Variants in SCAPER observed in about 807,000 individuals in gnomAD.
SCAPER encodes S phase cyclin A-associated protein in the endoplasmic reticulum.
SCAPER carries 98 observed loss-of-function variants against 182.2 expected under a neutral mutation model. That is an observed-to-expected ratio of 0.54 (90% CI 0.46 to 0.64). The LOEUF is 0.64. Among genes scored for constraint, SCAPER ranks in the 30% least tolerant of loss-of-function variants. SCAPER has a pLI of 0.00. For missense variants in SCAPER, 1,432 were observed against 1,690.0 expected (o/e 0.85, Z 2.68); for synonymous variants, 605 against 564.6 (o/e 1.07, Z -1.01).
intron 29 of SCAPER, among the ~76,000 whole-genome samples, chr15:76,366,789 C>A (rs1181791308): frequency 6.6e-6 from 1 of 152,200 alleles, no homozygotes; most frequent in Non-Finnish European, 1.5e-5. Flanking sequence ...GCCTTCCAGA[C>A]AAGAATAGGT....
chr15:76,408,453 T>C (rs924459864), intron 26 of SCAPER, among the ~76,000 whole-genome samples: 3 of 152,146 alleles, frequency 2.0e-5, no homozygotes, highest in Admixed American at 6.5e-5. Flanking sequence ...TTATAAACCA[T>C]GCTGTGCCAA....
chr15:76,735,978 A>AT (rs1182012370), intron 15 of SCAPER, among the ~76,000 whole-genome samples: 1 of 152,178 alleles, frequency 6.6e-6, no homozygotes, highest in Admixed American at 6.5e-5. Context: ...TCAACCATAG[A>AT]TAAAAAATGT....
chr15:76,409,689 T>C (rs541731604), intron 26 of SCAPER, among the ~76,000 whole-genome samples: 210 of 152,288 alleles, frequency 1.4e-3, no homozygotes, highest in African/African-American at 4.7e-3. Context: ...TCCAACCAAA[T>C]TGTTGCTTAT....
intron 24 of SCAPER, among the ~76,000 whole-genome samples, chr15:76,471,743 A>G (rs2050190019): frequency 6.6e-6 from 1 of 152,186 alleles, no homozygotes; most frequent in African/African-American, 2.4e-5. Context: ...AAGAAAGATC[A>G]TGGAAGAAGA....
At chr15:76,687,396 TA>T (rs2058089956) in intron 20 of SCAPER, among the ~76,000 whole-genome samples, 1 of 152,134 alleles carries the variant, frequency 6.6e-6, no homozygotes, top group African/African-American at 2.4e-5. Context: ...CCGATAAAAG[TA>T]AAAATTAAAA....
chr15:76,831,926 CCA>C (rs1265540889), intron 5 of SCAPER, among the ~76,000 whole-genome samples: 1 of 151,968 alleles, frequency 6.6e-6, no homozygotes, highest in Admixed American at 6.6e-5. Context: ...CTGACTAAAC[CCA>C]AATTATACCA....
At chr15:76,616,803 T>C (rs1326085983) in intron 22 of SCAPER, among the ~76,000 whole-genome samples, 1 of 152,100 alleles carries the variant, frequency 6.6e-6, no homozygotes, top group Non-Finnish European at 1.5e-5. Flanking sequence ...ACTACCTTTT[T>C]GGGCCTCTAT....
At chr15:76,814,308 G>A (rs1313066875) in intron 5 of SCAPER, among the ~76,000 whole-genome samples, 3 of 152,172 alleles carry the variant, frequency 2.0e-5, no homozygotes, top group Non-Finnish European at 4.4e-5. Flanking sequence ...CCAAAACAAT[G>A]TGGAGAGAGA....
chr15:76,843,062 A>AACT (rs2069637371), intron 4 of SCAPER, among the ~76,000 whole-genome samples: 1 of 152,340 alleles, frequency 6.6e-6, no homozygotes, highest in Middle Eastern at 3.4e-3. Context: ...AAATTATCAA[A>AACT]ACTACTACCA....
intron 27 of SCAPER, among the ~76,000 whole-genome samples, chr15:76,385,014 T>C (rs1441473198): frequency 1.3e-5 from 2 of 152,212 alleles, no homozygotes; most frequent in Non-Finnish European, 2.9e-5. Context: ...TCTGAGATAT[T>C]TGTAATTTTA....
At chr15:76,472,134 A>G (rs157782) in intron 24 of SCAPER, 385,372 of 390,586 alleles carry the variant, frequency 0.99, 190,284 homozygotes, top group Non-Finnish European at 1. Flanking sequence ...TGCTACAGGC[A>G]ATAGAGCCAA....
At chr15:76,489,945 T>G (rs1293827282) in intron 24 of SCAPER, among the ~76,000 whole-genome samples, 1 of 152,172 alleles carries the variant, frequency 6.6e-6, no homozygotes, top group African/African-American at 2.4e-5. Context: ...GTCTTCATGG[T>G]TCAACCATTA....
At chr15:76,708,375 T>A (rs2059379110) in intron 17 of SCAPER, among the ~76,000 whole-genome samples, 1 of 151,756 alleles carries the variant, frequency 6.6e-6, no homozygotes, top group Non-Finnish European at 1.5e-5. Context: ...AAATACAGTA[T>A]ATCAAAATTG....
At chr15:76,814,850 T>C (rs2066935406) in intron 5 of SCAPER, among the ~76,000 whole-genome samples, 1 of 152,218 alleles carries the variant, frequency 6.6e-6, no homozygotes, top group African/African-American at 2.4e-5. Flanking sequence ...AGAAAAATAT[T>C]TGGAAACTCT....
chr15:76,793,860 T>C (rs1013396527), intron 8 of SCAPER, among the ~76,000 whole-genome samples: 1 of 152,174 alleles, frequency 6.6e-6, no homozygotes, highest in Non-Finnish European at 1.5e-5. Flanking sequence ...GAGGCAGTCT[T>C]GTGGGGTTGA....
chr15:76,875,451 C>T (rs2073070881), intron 2 of SCAPER, among the ~76,000 whole-genome samples: 1 of 152,124 alleles, frequency 6.6e-6, no homozygotes, highest in South Asian at 2.1e-4. Flanking sequence ...CAAGACCACC[C>T]TGGCCAATAT....
intron 4 of SCAPER, 123 bp from the exon 5 acceptor site, chr15:76,842,054 G>T: frequency 1.3e-6 from 1 of 784,248 alleles, no homozygotes; most frequent in Non-Finnish European, 2.0e-6. Flanking sequence ...CATCTGTACT[G>T]AACATGTATG....
intron 5 of SCAPER, among the ~76,000 whole-genome samples, chr15:76,818,662 G>A (rs1029233685): frequency 1.3e-5 from 2 of 152,228 alleles, no homozygotes; most frequent in East Asian, 1.9e-4. Context: ...CAGCGTGAGC[G>A]ACGCAGAAGA....
chr15:76,786,198 G>A (rs539945952), intron 8 of SCAPER, among the ~76,000 whole-genome samples: 34 of 151,706 alleles, frequency 2.2e-4, no homozygotes, highest in Non-Finnish European at 4.0e-4. Context: ...GTGGTGGTGC[G>A]TGCCTGTTAT....
Sources: allele counts gnomAD v4.1 joint callset (sites outside exome capture counted in the v4.1 genomes callset), GRCh38; gene constraint gnomAD v4.1.1; transcripts MANE v1.5; gene names NCBI Gene and HGNC (gene_info 2026-07-23, HGNC 2026-07-21).